STAU2: variants seen among roughly 807,000 people sequenced by gnomAD.
The protein encoded by STAU2 is double-stranded RNA-binding protein Staufen homolog 2.
STAU2 carries 20 observed loss-of-function variants against 65.9 expected under a neutral mutation model. That is an observed-to-expected ratio of 0.30 (90% CI 0.21 to 0.44). The LOEUF (loss-of-function observed/expected upper bound fraction) is 0.44, where lower values mean the gene tolerates loss of function less well. Among genes scored for constraint, STAU2 ranks in the 20% least tolerant of loss-of-function variants. The pLI is 1.00. For missense variants in STAU2, 558 were observed against 683.9 expected (o/e 0.82, Z 2.05); for synonymous variants, 232 against 233.9 (o/e 0.99, Z 0.07).
intron 13 of STAU2, among the ~76,000 whole-genome samples, chr8:73,525,688 G>A (rs1022452496): frequency 6.6e-6 from 1 of 152,192 alleles, no homozygotes; most frequent in Non-Finnish European, 1.5e-5. Context: ...TCTTTTCAGA[G>A]GTGTGGGTTA....
chr8:73,685,290 C>A (rs1358365743), intron 5 of STAU2, among the ~76,000 whole-genome samples: 4 of 152,034 alleles, frequency 2.6e-5, no homozygotes. Flanking sequence ...GACTAACACA[C>A]CACCTTACTC....
intron 13 of STAU2, among the ~76,000 whole-genome samples, chr8:73,431,657 A>C (rs1387780473): frequency 6.6e-6 from 1 of 152,230 alleles, no homozygotes. Context: ...CATTTCATGT[A>C]TCGCTTGTTT....
At chr8:73,711,574 T>C (rs975246759) in intron 3 of STAU2, among the ~76,000 whole-genome samples, 6 of 152,126 alleles carry the variant, frequency 3.9e-5, no homozygotes, top group African/African-American at 1.4e-4. Flanking sequence ...ACAAACATAG[T>C]GTGAAAATTT....
intron 13 of STAU2, among the ~76,000 whole-genome samples, chr8:73,456,608 G>A (rs1362017928): frequency 2.0e-5 from 3 of 152,116 alleles, no homozygotes; most frequent in Non-Finnish European, 2.9e-5. Flanking sequence ...AGGCAGGAAC[G>A]AGCATGGGGC....
intron 4 of STAU2, 131 bp from the exon 5 acceptor site, chr8:73,688,944 C>T (rs1819137162): frequency 9.6e-7 from 1 of 1,044,164 alleles, no homozygotes; most frequent in Non-Finnish European, 1.4e-6. Context: ...TACAGATCAT[C>T]TGCAACAAAA....
chr8:73,596,674 C>A (rs991707853), intron 10 of STAU2, among the ~76,000 whole-genome samples: 1 of 151,478 alleles, frequency 6.6e-6, no homozygotes, highest in Non-Finnish European at 1.5e-5. Flanking sequence ...TATAGTGAGA[C>A]CCCATTTTTA....
chr8:73,735,310 G>T (rs1398431443), intron 3 of STAU2, among the ~76,000 whole-genome samples: 1 of 152,148 alleles, frequency 6.6e-6, no homozygotes, highest in Non-Finnish European at 1.5e-5. Flanking sequence ...AATCACTCAT[G>T]AATTTAAGAA....
chr8:73,630,088 T>G (rs1813976276), intron 6 of STAU2, among the ~76,000 whole-genome samples: 1 of 152,230 alleles, frequency 6.6e-6, no homozygotes, highest in African/African-American at 2.4e-5. Flanking sequence ...TCTTCCACTT[T>G]TAAAGTACCT....
At chr8:73,637,466 AGTGCTGAAAGT>A (rs1191704009) in intron 6 of STAU2, among the ~76,000 whole-genome samples, 26 of 142,556 alleles carry the variant, frequency 1.8e-4, no homozygotes, top group African/African-American at 6.6e-4. Flanking sequence ...GTCTTTATAA[AGTGCTGAAAGT>A]AAAAAAAAAA....
intron 10 of STAU2, among the ~76,000 whole-genome samples, chr8:73,595,774 T>C (rs1811137058): frequency 6.6e-6 from 1 of 152,092 alleles, no homozygotes; most frequent in African/African-American, 2.4e-5. Flanking sequence ...TATTAAATAG[T>C]TCCTGAAGAG....
intron 13 of STAU2, among the ~76,000 whole-genome samples, chr8:73,545,794 C>T (rs1309833140): frequency 2.6e-5 from 4 of 152,034 alleles, no homozygotes; most frequent in Non-Finnish European, 5.9e-5. Context: ...ACTCCAGGCG[C>T]CCGCCACCAT....
intron 13 of STAU2, among the ~76,000 whole-genome samples, chr8:73,499,576 G>A (rs1368113967): frequency 1.3e-5 from 2 of 151,876 alleles, no homozygotes; most frequent in African/African-American, 4.8e-5. Flanking sequence ...AAGGGTGACT[G>A]TGGCCAGGTC....
intron 13 of STAU2, among the ~76,000 whole-genome samples, chr8:73,487,407 G>GAAATTAATAAGAAA (rs1457503443): frequency 6.6e-6 from 1 of 152,070 alleles, no homozygotes; most frequent in Non-Finnish European, 1.5e-5. Context: ...AAAGTGAAGA[G>GAAATTAATAAGAAA]GTGACTTGTG....
intron 12 of STAU2, among the ~76,000 whole-genome samples, chr8:73,564,807 A>T (rs1008144558): frequency 3.3e-5 from 5 of 152,310 alleles, no homozygotes; most frequent in Admixed American, 6.5e-5. Context: ...TGTTCTGCCC[A>T]TATCTGCACT....
intron 13 of STAU2, among the ~76,000 whole-genome samples, chr8:73,446,876 TC>T (rs1260089115): frequency 3.9e-5 from 6 of 152,192 alleles, no homozygotes; most frequent in African/African-American, 1.4e-4. Flanking sequence ...AACTCCAATC[TC>T]ATGTCACAGA....
chr8:73,504,550 C>G (rs542064052), intron 13 of STAU2, among the ~76,000 whole-genome samples: 1 of 152,116 alleles, frequency 6.6e-6, no homozygotes, highest in Admixed American at 6.5e-5. Context: ...TGGGGACGCA[C>G]CGCTTAGGAA....
chr8:73,581,614 A>G (rs1809990931), intron 12 of STAU2, among the ~76,000 whole-genome samples: 2 of 152,190 alleles, frequency 1.3e-5, no homozygotes, highest in Non-Finnish European at 2.9e-5. Flanking sequence ...AACTGAACAC[A>G]AACTCTAGGA....
chr8:73,572,379 A>T (rs976835478), intron 12 of STAU2, among the ~76,000 whole-genome samples: 2 of 152,298 alleles, frequency 1.3e-5, no homozygotes, highest in Admixed American at 1.3e-4. Flanking sequence ...AAAAGAGGGA[A>T]TCCTCCCTAA....
chr8:73,464,600 G>GCA (rs770126004), intron 13 of STAU2, among the ~76,000 whole-genome samples: 10,230 of 101,834 alleles, frequency 0.1, 476 homozygotes, highest in Middle Eastern at 0.18. Context: ...GTGTGCACGC[G>GCA]CACACACACA....
Sources: allele counts gnomAD v4.1 joint callset (sites outside exome capture counted in the v4.1 genomes callset), GRCh38; gene constraint gnomAD v4.1.1; transcripts MANE v1.5; gene names NCBI Gene and HGNC (gene_info 2026-07-23, HGNC 2026-07-21).